Variants in RARB observed in about 807,000 individuals in gnomAD.
The protein encoded by RARB is HBV-activated protein.
A neutral mutation model predicts 51.9 loss-of-function variants in RARB; 17 were observed. The ratio of observed to expected loss-of-function variants is 0.33; its 90% CI spans 0.22 to 0.49. RARB has a LOEUF of 0.49. Ranked by LOEUF, RARB falls within the 20% of genes least tolerant of loss-of-function variation. RARB has a pLI of 0.99. For synonymous variants in RARB, 215 were observed against 195.4 expected (o/e 1.10, Z -0.84); for missense variants, 369 against 550.8 (o/e 0.67, Z 3.30).
chr3:25,347,807 T>A (rs1705439070), intron 5 of RARB, among the ~76,000 whole-genome samples: 1 of 152,190 alleles, frequency 6.6e-6, no homozygotes, highest in African/African-American at 2.4e-5. Flanking sequence ...TGTTCATCAT[T>A]GCCTGCAAGA....
At chr3:25,300,355 G>C (rs1208456705) in intron 5 of RARB, among the ~76,000 whole-genome samples, 1 of 152,206 alleles carries the variant, frequency 6.6e-6, no homozygotes, top group African/African-American at 2.4e-5. Flanking sequence ...CTGAACAATA[G>C]TTTTTCACAA....
intron 2 of RARB, chr3:25,025,051 G>A (rs1697718457): frequency 6.6e-6 from 1 of 151,342 alleles, no homozygotes; most frequent in African/African-American, 2.4e-5. Flanking sequence ...TCTGATCTCA[G>A]AAGTTAAGCA....
At chr3:25,066,537 C>T (rs1411008630) in intron 3 of RARB, among the ~76,000 whole-genome samples, 1 of 151,982 alleles carries the variant, frequency 6.6e-6, no homozygotes, top group Non-Finnish European at 1.5e-5. Context: ...TGTCAGTCGC[C>T]TTTGACATTT....
At chr3:25,229,879 G>T (rs1323981125) in intron 5 of RARB, among the ~76,000 whole-genome samples, 1 of 152,026 alleles carries the variant, frequency 6.6e-6, no homozygotes, top group African/African-American at 2.4e-5. Flanking sequence ...GGTGTGACAG[G>T]TCACCCAACT....
chr3:25,242,109 T>G (rs1296160905), intron 5 of RARB, among the ~76,000 whole-genome samples: 1 of 152,246 alleles, frequency 6.6e-6, no homozygotes, highest in East Asian at 1.9e-4. Context: ...AAATGTCTTC[T>G]TTTCAAAAGC....
At chr3:25,377,168 G>C (rs532707498) in intron 5 of RARB, among the ~76,000 whole-genome samples, 2 of 152,190 alleles carry the variant, frequency 1.3e-5, no homozygotes, top group Admixed American at 6.5e-5. Flanking sequence ...GTTAATAACA[G>C]ATTCCTCTCA....
At chr3:24,975,099 G>A (rs917662116) in intron 2 of RARB, among the ~76,000 whole-genome samples, 1 of 152,120 alleles carries the variant, frequency 6.6e-6, no homozygotes, top group Admixed American at 6.6e-5. Context: ...AAACAAGAAT[G>A]TACTTGGACT....
At chr3:25,508,856 C>A (rs181470501) in intron 3 of RARB, among the ~76,000 whole-genome samples, 184 of 151,232 alleles carry the variant, frequency 1.2e-3, no homozygotes, top group Non-Finnish European at 2.2e-3. Flanking sequence ...TTTCTACTTG[C>A]CAAATATGAA....
In RARB at chr3:25,596,889, T is replaced by C. The variant is rs1701858568; in HGVS notation, c.*273T>C. 1 of 292,312 alleles carries C rather than the reference T, an allele frequency of 3.4e-6. No individual in the cohort carries two copies. Among genetic ancestry groups the C allele is most frequent in the Admixed American group, 4.6e-5 (1 of 21,686 alleles). 18.1% of individuals were successfully genotyped at this position (292,312 alleles called of 1,614,324 possible). A position where few individuals can be genotyped will look rare whatever the true frequency, so the allele number is the denominator to read the frequency against. On this transcript the variant is annotated 3_prime_UTR_variant, in exon 8 of 8. Transcript: ENST00000330688. Reference sequence around the variant, plus strand: ...ATTTTCCTCTTTGAACACTCAAGATTGCATGGCAAAGACCCAGTCAAAATG... The same window carrying C: ...ATTTTCCTCTTTGAACACTCAAGATCGCATGGCAAAGACCCAGTCAAAATG...
intron 4 of RARB, among the ~76,000 whole-genome samples, chr3:25,574,448 T>G (rs1021319291): frequency 4.6e-5 from 7 of 152,206 alleles, no homozygotes; most frequent in African/African-American, 1.7e-4. Flanking sequence ...CATAAATGTC[T>G]TGTCATTTTT....
At chr3:25,349,377 T>C (rs777015781) in intron 5 of RARB, among the ~76,000 whole-genome samples, 2 of 152,194 alleles carry the variant, frequency 1.3e-5, no homozygotes, top group Non-Finnish European at 2.9e-5. Flanking sequence ...GTTGATAGTG[T>C]TGTCAGAAAT....
chr3:25,123,112 G>T (rs117079536), intron 3 of RARB, among the ~76,000 whole-genome samples: 1 of 152,244 alleles, frequency 6.6e-6, no homozygotes, highest in East Asian at 1.9e-4. Flanking sequence ...TGTCGGCAGG[G>T]AGGAGTTTCA....
At position 25,009,880 on chromosome 3, in the gene RARB, G is replaced by C. The variant is rs117328732; in HGVS notation, c.-379-50245G>C. Among the ~76,000 whole-genome samples the C allele has an allele frequency of 6.4e-4, 97 of 152,204 alleles. No homozygotes were observed. In the East Asian group the frequency reaches 0.017, roughly 27 times the overall value. ...GGAAGGGGAGACAAGCAGGAAGGAA[G>C]GGATAATTTAACTGAACCCGATTTG... On this transcript the variant is annotated intron_variant, in intron 2 of 11. Coordinates refer to the RARB transcript ENST00000383772.
chr3:25,542,742 A>G (rs1471597185), intron 3 of RARB, among the ~76,000 whole-genome samples: 1 of 152,254 alleles, frequency 6.6e-6, no homozygotes, highest in African/African-American at 2.4e-5. Flanking sequence ...AACTTGCCTA[A>G]CAGCATTAGT....
intron 5 of RARB, chr3:25,259,183 C>A: frequency 1.5e-6 from 1 of 687,202 alleles, no homozygotes; most frequent in Non-Finnish European, 1.8e-6. Context: ...AGAGCAAATC[C>A]ACTGTGGAAG....
rs375046172 is a variant in RARB, at chr3:25,137,466, T to C, written c.-280+5258T>C. ...CAGGTTTGGGGTTGGTTTATCAATA[T>C]TTTACAGTAACTTACAGAAAAACCC... On this transcript the variant is annotated intron_variant, in intron 4 of 11. Coordinates refer to the RARB transcript ENST00000383772. 4.6e-5 allele frequency among the ~76,000 whole-genome samples: 7 copies of C among 152,182 alleles called. No individual in the cohort carries two copies. In the East Asian group the frequency reaches 9.6e-4, roughly 21 times the overall value.
At chr3:25,349,349 A>G (rs1575331978) in intron 5 of RARB, among the ~76,000 whole-genome samples, 1 of 152,222 alleles carries the variant, frequency 6.6e-6, no homozygotes, top group East Asian at 1.9e-4. Flanking sequence ...GATGGCCAGC[A>G]TGTGGCTGCT....
At chr3:25,303,108 A>G (rs1461830275) in intron 5 of RARB, among the ~76,000 whole-genome samples, 1 of 152,156 alleles carries the variant, frequency 6.6e-6, no homozygotes, top group Non-Finnish European at 1.5e-5. Context: ...CTTTCTCAGT[A>G]GGCTCCTTGG....
intron 5 of RARB, among the ~76,000 whole-genome samples, chr3:25,273,914 C>T (rs1324840365): frequency 2.0e-5 from 3 of 152,158 alleles, no homozygotes; most frequent in Non-Finnish European, 4.4e-5. Flanking sequence ...GTTCAGACCT[C>T]GTAGCCCATT....
Sources: allele counts gnomAD v4.1 joint callset (sites outside exome capture counted in the v4.1 genomes callset), GRCh38; gene constraint gnomAD v4.1.1; transcripts MANE v1.5; gene names NCBI Gene and HGNC (gene_info 2026-07-23, HGNC 2026-07-21).